The following MGAM2 variants were observed in gnomAD, a reference collection of about 807,000 sequenced individuals.
The protein encoded by MGAM2 is probable maltase-glucoamylase 2.
In MGAM2, 98 loss-of-function variants were observed where a neutral mutation model predicts 96.1. The observed-to-expected ratio is 1.02, with a 90% confidence interval of 0.87 to 1.21. The LOEUF is 1.21. Among genes scored for constraint, MGAM2 ranks in the 50% most tolerant of loss-of-function variants. The probability of loss-of-function intolerance (pLI) is 0.00; values close to 1 mark genes in which losing one functional copy is unlikely to be tolerated. For missense variants in MGAM2, 2,055 were observed against 1,182.4 expected (o/e 1.74, Z -10.82); for synonymous variants, 749 against 414.8 (o/e 1.81, Z -9.79).
At chr7:142,194,583 A>G (rs920082795) in intron 37 of MGAM2, among the ~76,000 whole-genome samples, 1 of 152,090 alleles carries the variant, frequency 6.6e-6, no homozygotes, top group Non-Finnish European at 1.5e-5. Context: ...GTATGGTTAA[A>G]TCTATACCTT....
chr7:142,121,273 G>C (rs1183537143), intron 3 of MGAM2, among the ~76,000 whole-genome samples: 1 of 152,090 alleles, frequency 6.6e-6, no homozygotes, highest in African/African-American at 2.4e-5. Context: ...TGCCTCCCAG[G>C]TTCAAGCAAT....
At chr7:142,141,747 G>A (rs182542423) in intron 12 of MGAM2, among the ~76,000 whole-genome samples, 1 of 152,096 alleles carries the variant, frequency 6.6e-6, no homozygotes, top group South Asian at 2.1e-4. Context: ...TGATTTGCCT[G>A]CCTCAGCCTC....
Position 142,164,911 on chromosome 7 carries a change from T to A in MGAM2, c.2540T>A (p.Met847Lys). 1.4e-6 allele frequency: 1 copy of A among 702,816 alleles called. No homozygotes were observed. Among genetic ancestry groups the A allele is most frequent in the Non-Finnish European group, 2.6e-6 (1 of 384,894 alleles). The allele number at this position is 702,816 out of a possible 1,614,324, so 43.5% of individuals were successfully genotyped here. ...AATTATATGGACACTGACAACCTCA[T>A]GTTCACAGATATCACAATCTTGGGA... ...NNNYMDTDNL[M>K]FTDITILGMD... Residue 847 changes from methionine to lysine, a missense_variant, in exon 24 of 48, where the codon ATG becomes AAG. Coordinates refer to ENST00000477922, the MANE Select transcript of MGAM2 (RefSeq NM_001293626.2).
Position 142,187,912 on chromosome 7 carries a change from A to G in MGAM2, c.4207+78A>G, listed in dbSNP as rs908597439. ...AGTTTTCCTTTTACTGTCAAAGTGA[A>G]GCCTAATGTTGAAGACAGAAACCAT... On this transcript the variant is annotated intron_variant, in intron 36 of 47. Coordinates refer to ENST00000477922, the MANE Select transcript of MGAM2 (RefSeq NM_001293626.2). 14 of 665,054 alleles carry G rather than the reference A, an allele frequency of 2.1e-5. No individual in the cohort carries two copies. The African/African-American group carries it at 2.5e-4, about 12-fold the overall frequency. 41.2% of individuals were successfully genotyped at this position (665,054 alleles called of 1,614,324 possible).
chr7:142,184,677 A>G (rs1351762862), intron 33 of MGAM2, among the ~76,000 whole-genome samples: 2 of 152,182 alleles, frequency 1.3e-5, no homozygotes, highest in Non-Finnish European at 2.9e-5. Flanking sequence ...ATAGTGCTTA[A>G]AAGTATTGAG....
chr7:142,124,047 A>G (rs940564577), intron 3 of MGAM2, among the ~76,000 whole-genome samples: 2 of 135,532 alleles, frequency 1.5e-5, no homozygotes, highest in Admixed American at 8.9e-5. Flanking sequence ...ATCTTGGCTC[A>G]CTGCAACCTC....
intron 38 of MGAM2, 48 bp downstream of exon 38, chr7:142,196,335 G>A (rs2129099882): frequency 1.5e-6 from 1 of 686,712 alleles, no homozygotes; most frequent in East Asian, 2.7e-5. Context: ...GAGGGCACTG[G>A]AGTTTGTGCT....
At chr7:142,112,646 A>G (rs1324983872) in intron 1 of MGAM2, among the ~76,000 whole-genome samples, 1 of 151,996 alleles carries the variant, frequency 6.6e-6, no homozygotes, top group African/African-American at 2.4e-5. Flanking sequence ...TTGTCGAGAG[A>G]GTATTCAAGT....
intron 9 of MGAM2, 105 bp from the exon 10 acceptor site, chr7:142,138,437 A>G: frequency 1.7e-6 from 1 of 601,110 alleles, no homozygotes. Context: ...AAATTATTCT[A>G]GCAGATTACT....
rs1585209590 is a variant in MGAM2, at chr7:142,198,162, T to G, written c.4890T>G (p.Tyr1630Ter). ...AGAGCACATTTGAGATCTCTGCTTA[T>G]TTTCCGAGAGCCCGTTGGTATGACT... Reference protein sequence around the residue: ...LETSTFEISAYFPRARWYDYS... With the variant: ...LETSTFEISA The change falls in exon 43 of 48, where the codon TAT (tyrosine) becomes TAG (stop). Residue 1630 changes from tyrosine (Y) to a stop codon, truncating the protein, a stop_gained. Coordinates refer to ENST00000477922, the MANE Select transcript of MGAM2 (RefSeq NM_001293626.2). LOFTEE classifies it high-confidence loss of function. 1 of 703,126 alleles carries G rather than the reference T, an allele frequency of 1.4e-6. No homozygotes were observed. The highest frequency in any genetic ancestry group is 2.7e-5 in the East Asian group (1 of 37,272). The allele number at this position is 703,126 out of a possible 1,614,324, so 43.6% of individuals were successfully genotyped here. A position where few individuals can be genotyped will look rare whatever the true frequency, so the allele number is the denominator to read the frequency against.
intron 45 of MGAM2, among the ~76,000 whole-genome samples, chr7:142,200,345 C>T (rs112795544): frequency 6.6e-6 from 1 of 152,150 alleles, no homozygotes; most frequent in African/African-American, 2.4e-5. Context: ...ATACCAGGCA[C>T]CCTGTTCCTC....
At chr7:142,162,986 G>A (rs910398325) in intron 23 of MGAM2, among the ~76,000 whole-genome samples, 22 of 151,910 alleles carry the variant, frequency 1.4e-4, no homozygotes, top group Non-Finnish European at 2.8e-4. Context: ...TCATCTGTTC[G>A]CCATTTCTAT....
rs1379332058 is a variant in MGAM2 at position 142,148,363 on chromosome 7, T to A, written c.1634+790T>A. Among the ~76,000 whole-genome samples the A allele has an allele frequency of 6.7e-6, 1 of 149,616 alleles. No homozygotes were observed. Among genetic ancestry groups the A allele is most frequent in the African/African-American group, 2.5e-5 (1 of 40,434 alleles). ...CTACCACTACCATCACCACCACCACTACCATGACCACCACCACCATCCCTA... is the reference window on the plus strand; with the variant it reads ...CTACCACTACCATCACCACCACCACAACCATGACCACCACCACCATCCCTA... On this transcript the variant is annotated intron_variant, in intron 15 of 47. Transcript: ENST00000477922. The surrounding 1 kb of genome is among the most constrained non-coding windows in gnomAD (Gnocchi z 4.2).
In MGAM2 at chr7:142,132,593, A is replaced by G. The variant is rs1359706914; in HGVS notation, c.575+508A>G. Among the ~76,000 whole-genome samples the G allele has an allele frequency of 1.6e-3, 213 of 129,738 alleles. 1 individual carries two copies. Among genetic ancestry groups the G allele is most frequent in the Non-Finnish European group, 2.6e-3 (169 of 64,982 alleles). The allele number at this position is 129,738 out of a possible 152,430, so 85.1% of individuals were successfully genotyped here. ...CTTTATATAATTTAATCAACTATAT[A>G]ATTTATATATTTAATACATAATTTA... On this transcript the variant is annotated intron_variant, in intron 6 of 47. Transcript: ENST00000477922.
chr7:142,164,968 T>G lies in MGAM2; in HGVS notation c.2597T>G (p.Leu866Arg). Residue 866 changes from leucine to arginine, a missense_variant, in exon 24 of 48, where the codon CTA becomes CGA. Coordinates refer to ENST00000477922, the MANE Select transcript of MGAM2 (RefSeq NM_001293626.2). ...AAACAGCCAGCTAATTTTATCGTCCTACTGAATAATGTTGCCACCTCCAGT... is the reference window on the plus strand; with the variant it reads ...AAACAGCCAGCTAATTTTATCGTCCGACTGAATAATGTTGCCACCTCCAGT... ...MDKQPANFIVLLNNVATSSPS... is the reference protein window; with the variant it reads ...MDKQPANFIVRLNNVATSSPS... The G allele has an allele frequency of 1.4e-6, 1 of 702,832 alleles. No homozygotes were observed. Among genetic ancestry groups the G allele is most frequent in the Middle Eastern group, 2.3e-4 (1 of 4,370 alleles). 43.5% of individuals were successfully genotyped at this position (702,832 alleles called of 1,614,324 possible).
chr7:142,141,615 T>G (rs1203083035), intron 12 of MGAM2, among the ~76,000 whole-genome samples: 3 of 152,178 alleles, frequency 2.0e-5, no homozygotes, highest in African/African-American at 7.2e-5. Flanking sequence ...TTCTCCTACC[T>G]CAGCCTCCCG....
chr7:142,145,582 C>G (rs1284075683), intron 14 of MGAM2, among the ~76,000 whole-genome samples: 2 of 152,158 alleles, frequency 1.3e-5, no homozygotes, highest in African/African-American at 4.8e-5. Context: ...ACACTATGCT[C>G]TGGCAACATA....
intron 8 of MGAM2, among the ~76,000 whole-genome samples, chr7:142,137,125 T>C (rs1380034243): frequency 6.6e-6 from 1 of 152,144 alleles, no homozygotes; most frequent in Non-Finnish European, 1.5e-5. Context: ...ATAAAATTTT[T>C]ATAACGTTTT....
At chr7:142,161,438 A>G (rs1795885510) in intron 22 of MGAM2, among the ~76,000 whole-genome samples, 1 of 152,244 alleles carries the variant, frequency 6.6e-6, no homozygotes, top group Non-Finnish European at 1.5e-5. Context: ...CTACCAAAGC[A>G]ACTGGCATTA....
Sources: allele counts gnomAD v4.1 joint callset (sites outside exome capture counted in the v4.1 genomes callset), GRCh38; gene constraint gnomAD v4.1.1; non-coding constraint Gnocchi (gnomAD v3.1); transcripts MANE v1.5; gene names NCBI Gene and HGNC (gene_info 2026-07-23, HGNC 2026-07-21).